RTL9: variants seen among roughly 807,000 people sequenced by gnomAD.
RTL9 encodes retrotransposon Gag like 9, also known as retrotransposon Gag-like protein 9.
In RTL9, 19 loss-of-function variants were observed where a neutral mutation model predicts 44.7. The observed-to-expected ratio is 0.42, with a 90% CI of 0.30 to 0.62. The LOEUF (loss-of-function observed/expected upper bound fraction) is 0.62. Ranked by LOEUF, RTL9 falls within the 20% of genes least tolerant of loss-of-function variation. RTL9 has a pLI of 0.16. For synonymous variants in RTL9, 407 were observed against 398.9 expected (o/e 1.02, Z -0.24); for missense variants, 1,105 against 1,080.6 (o/e 1.02, Z -0.32).
chrX:110,371,183 C>T (rs1215399539), intron 1 of RTL9, among the ~76,000 whole-genome samples: 1 of 110,549 alleles, frequency 9.0e-6, no homozygotes, highest in African/African-American at 3.3e-5. Context: ...CCTAAAGATC[C>T]AGTTTTCACC....
intron 1 of RTL9, among the ~76,000 whole-genome samples, chrX:110,390,253 T>C (rs564783049): frequency 3.6e-5 from 4 of 112,350 alleles, no homozygotes; most frequent in South Asian, 7.4e-4. Flanking sequence ...TGTAGATCCA[T>C]GATGAAATCA....
At chrX:110,368,072 CTAAAGT>C (rs2068311159) in intron 1 of RTL9, among the ~76,000 whole-genome samples, 1 of 106,931 alleles carries the variant, frequency 9.4e-6, no homozygotes, top group African/African-American at 3.4e-5. Flanking sequence ...AACTTCTGGC[CTAAAGT>C]TATTTTCCCA....
At chrX:110,449,982 A>G (rs975143236), upstream of RTL9, among the ~76,000 whole-genome samples, 1 of 112,133 alleles carries the variant, frequency 8.9e-6, no homozygotes, top group Non-Finnish European at 1.9e-5. Flanking sequence ...GCTGTTATTA[A>G]TAAGAATAAT....
chrX:110,397,527 T>C (rs1259297557), intron 1 of RTL9, among the ~76,000 whole-genome samples: 1 of 110,622 alleles, frequency 9.0e-6, no homozygotes, highest in Non-Finnish European at 1.9e-5. Flanking sequence ...GGCTAGAACC[T>C]CAGGGCTGGG....
At chrX:110,411,699 G>A (rs2068643021) in intron 1 of RTL9, among the ~76,000 whole-genome samples, 1 of 112,312 alleles carries the variant, frequency 8.9e-6, no homozygotes. Context: ...AACATAGAAG[G>A]AAGACAATGG....
At chrX:110,383,957 A>C (rs925972582) in intron 1 of RTL9, among the ~76,000 whole-genome samples, 3 of 112,153 alleles carry the variant, frequency 2.7e-5, no homozygotes, top group African/African-American at 9.7e-5. Context: ...CAGCTTCGTC[A>C]TGTATAAAAC....
chrX:110,434,930 A>G (rs2068825494), intron 1 of RTL9, among the ~76,000 whole-genome samples: 1 of 109,080 alleles, frequency 9.2e-6, no homozygotes, highest in Non-Finnish European at 1.9e-5. Flanking sequence ...GAGTGAGAAG[A>G]CACTCTTCTT....
upstream of RTL9, among the ~76,000 whole-genome samples, chrX:110,446,111 A>G (rs1297158393): frequency 3.6e-5 from 4 of 111,396 alleles, no homozygotes; most frequent in Admixed American, 2.9e-4. Context: ...ATTGAATGAT[A>G]TGAACTCTGA....
At chrX:110,383,097 C>T (rs1279582204) in intron 1 of RTL9, among the ~76,000 whole-genome samples, 1 of 111,774 alleles carries the variant, frequency 8.9e-6, no homozygotes, top group East Asian at 2.8e-4. Context: ...GCTTTTTCCT[C>T]CTCATCTCAG....
chrX:110,424,824 T>A (rs935812564), intron 1 of RTL9, among the ~76,000 whole-genome samples: 7 of 112,028 alleles, frequency 6.2e-5, no homozygotes, highest in Non-Finnish European at 9.4e-5. Flanking sequence ...AACATGAGTG[T>A]TGTCCCGTTA....
intron 1 of RTL9, among the ~76,000 whole-genome samples, chrX:110,442,697 C>T (rs1284051620): frequency 8.9e-6 from 1 of 111,770 alleles, no homozygotes; most frequent in African/African-American, 3.3e-5. Flanking sequence ...CCTCAGAATT[C>T]TTGCCACACC....
chrX:110,449,125 T>C (rs1026517286), upstream of RTL9, among the ~76,000 whole-genome samples: 3 of 110,525 alleles, frequency 2.7e-5, no homozygotes, highest in Non-Finnish European at 5.7e-5. Flanking sequence ...GGTGGATCTT[T>C]ATAGCACCTT....
chrX:110,371,320 C>G (rs2068337195), intron 1 of RTL9, among the ~76,000 whole-genome samples: 1 of 110,851 alleles, frequency 9.0e-6, no homozygotes. Context: ...TGTTCTGATA[C>G]AGGCATGCAA....
At chrX:110,430,432 C>G (rs998367653) in intron 1 of RTL9, among the ~76,000 whole-genome samples, 1 of 112,391 alleles carries the variant, frequency 8.9e-6, no homozygotes, top group African/African-American at 3.2e-5. Context: ...CTTCACATTA[C>G]AGAGGAGGCA....
At chrX:110,451,101 G>C (rs754055577) in exon 1 of RTL9, 2 of 1,212,229 alleles carry the variant, frequency 1.6e-6, no homozygotes, top group Admixed American at 4.3e-5. Flanking sequence ...ACCAGATTCT[G>C]CAGAGATATC....
At chrX:110,378,031 A>AAAAAAAAAAAAAT (rs1481955905) in intron 1 of RTL9, among the ~76,000 whole-genome samples, 1 of 107,573 alleles carries the variant, frequency 9.3e-6, no homozygotes, top group African/African-American at 3.4e-5. Flanking sequence ...AAAAAAAAAA[A>AAAAAAAAAAAAAT]ATATCTACCT....
chrX:110,417,645 A>C (rs1382360283), upstream of RTL9, among the ~76,000 whole-genome samples: 1 of 112,112 alleles, frequency 8.9e-6, no homozygotes, highest in East Asian at 2.8e-4. Context: ...GACTGGCCCA[A>C]GGTCACATTT....
chrX:110,391,055 G>C (rs188912827), intron 1 of RTL9, among the ~76,000 whole-genome samples: 1 of 111,670 alleles, frequency 9.0e-6, no homozygotes, highest in African/African-American at 3.3e-5. Flanking sequence ...CTCTTTGCCT[G>C]TTTCCTTCCT....
chrX:110,371,012 C>T (rs1435711694), intron 1 of RTL9, among the ~76,000 whole-genome samples: 1 of 111,796 alleles, frequency 8.9e-6, no homozygotes, highest in Non-Finnish European at 1.9e-5. Context: ...AGATTCCTTG[C>T]TATTATTCCT....
Sources: allele counts gnomAD v4.1 joint callset (sites outside exome capture counted in the v4.1 genomes callset), GRCh38; gene constraint gnomAD v4.1.1; transcripts MANE v1.5; gene names NCBI Gene and HGNC (gene_info 2026-07-23, HGNC 2026-07-21).